The following PARN variants were observed in gnomAD, a reference collection of about 807,000 sequenced individuals.
PARN encodes the protein poly(A)-specific ribonuclease.
In PARN, 71 loss-of-function variants were observed where a neutral mutation model predicts 102.8. That is an observed-to-expected ratio of 0.69 (90% CI 0.57 to 0.84). The LOEUF is 0.84. Among genes scored for constraint, PARN ranks in the 40% least tolerant of loss-of-function variants. The pLI is 0.00. For synonymous variants in PARN, 261 were observed against 252.9 expected (o/e 1.03, Z -0.30); for missense variants, 782 against 760.9 (o/e 1.03, Z -0.33).
intron 22 of PARN, among the ~76,000 whole-genome samples, chr16:14,479,725 T>C (rs920148799): frequency 6.6e-6 from 1 of 152,130 alleles, no homozygotes; most frequent in African/African-American, 2.4e-5. Flanking sequence ...GATCAGTTGA[T>C]TCTTGACAAA....
intron 21 of PARN, among the ~76,000 whole-genome samples, chr16:14,526,579 A>G (rs1183317140): frequency 6.6e-6 from 1 of 152,206 alleles, no homozygotes; most frequent in Non-Finnish European, 1.5e-5. Flanking sequence ...GGCAAAGTAA[A>G]CCATACATCC....
At chr16:14,595,855 G>T (rs1970474707) in intron 12 of PARN, among the ~76,000 whole-genome samples, 1 of 151,446 alleles carries the variant, frequency 6.6e-6, no homozygotes, top group Admixed American at 6.6e-5. Flanking sequence ...TTGTAGAGAG[G>T]GGGTCTCCCA....
intron 1 of PARN, 150 bp downstream of exon 1, chr16:14,629,957 C>G: frequency 2.7e-6 from 2 of 735,202 alleles, no homozygotes; most frequent in Admixed American, 5.2e-5. Context: ...CCGGAAAAGA[C>G]CCCAAGAGGC....
At chr16:14,580,493 G>C (rs978251454) in intron 18 of PARN, among the ~76,000 whole-genome samples, 1 of 151,630 alleles carries the variant, frequency 6.6e-6, no homozygotes, top group Non-Finnish European at 1.5e-5. Flanking sequence ...CATCATGTTG[G>C]CCAGGCTGGC....
intron 13 of PARN, among the ~76,000 whole-genome samples, chr16:14,588,817 G>A (rs183299679): frequency 7.2e-5 from 11 of 152,266 alleles, no homozygotes; most frequent in African/African-American, 2.6e-4. Context: ...GGGAGAGGGA[G>A]GTTGCAGTGA....
At chr16:14,624,597 T>C (rs1972523887) in intron 5 of PARN, among the ~76,000 whole-genome samples, 1 of 152,236 alleles carries the variant, frequency 6.6e-6, no homozygotes, top group African/African-American at 2.4e-5. Context: ...TTTCTCAAAA[T>C]AACCAGTTTT....
At chr16:14,467,868 T>G (rs911309409) in intron 22 of PARN, among the ~76,000 whole-genome samples, 2 of 152,224 alleles carry the variant, frequency 1.3e-5, no homozygotes, top group African/African-American at 4.8e-5. Flanking sequence ...CATGGCCTTC[T>G]GAGCAGGACA....
At chr16:14,470,971 G>A (rs1017209082) in intron 22 of PARN, among the ~76,000 whole-genome samples, 1 of 152,044 alleles carries the variant, frequency 6.6e-6, no homozygotes, top group African/African-American at 2.4e-5. Flanking sequence ...TGTTGTTAGA[G>A]ATGGGATCTT....
At chr16:14,604,088 T>G in intron 11 of PARN, 58 bp downstream of exon 11, 1 of 964,884 alleles carries the variant, frequency 1.0e-6, no homozygotes, top group Non-Finnish European at 1.6e-6. Flanking sequence ...TAGACAGGAA[T>G]AAATCAATAT....
chr16:14,448,133 C>T (rs547504313), intron 22 of PARN, among the ~76,000 whole-genome samples: 2 of 151,398 alleles, frequency 1.3e-5, no homozygotes, highest in South Asian at 2.1e-4. Context: ...TACAGGCACC[C>T]GCCACCATGT....
At chr16:14,511,470 A>C (rs1339933713) in intron 21 of PARN, among the ~76,000 whole-genome samples, 1 of 152,194 alleles carries the variant, frequency 6.6e-6, no homozygotes, top group Non-Finnish European at 1.5e-5. Context: ...TTACTTGGGA[A>C]GTGTTCAGGC....
chr16:14,580,918 A>C lies in PARN; in HGVS notation c.1218T>G (p.Ile406Met). 1 of 1,609,914 alleles carries C rather than the reference A, an allele frequency of 6.2e-7. No individual in the cohort carries two copies. The highest frequency in any genetic ancestry group is 1.7e-4 in the Middle Eastern group (1 of 6,056). The change falls in exon 18 of 24, where the codon ATT (isoleucine) becomes ATG (methionine). Residue 406 changes from isoleucine (I) to methionine (M), a missense_variant. Transcript: ENST00000437198. ...TGAGTTTTGATCTGGCAGACACATG[A>C]ATTTTTGGAGGGCTGAGAAAAGAAC... ...YLGSFLSPPK[I>M]HVSARSKLIE...
rs1972961950 is a variant in PARN at position 14,630,198 on chromosome 16, G to T, written c.-73C>A. On this transcript the variant is annotated 5_prime_UTR_variant, in exon 1 of 24. Coordinates refer to ENST00000437198, the MANE Select transcript of PARN (RefSeq NM_002582.4). ...TCAGCGGTTCTACTCGCCGAATTCCGCGGCGACTGCGGCAGTAGCTGAGGC... is the reference window on the plus strand; with the variant it reads ...TCAGCGGTTCTACTCGCCGAATTCCTCGGCGACTGCGGCAGTAGCTGAGGC... The T allele has an allele frequency of 2.3e-6, 3 of 1,327,272 alleles. No individual in the cohort carries two copies. The highest frequency in any genetic ancestry group is 3.1e-6 in the Non-Finnish European group (3 of 954,360). 82.2% of individuals were successfully genotyped at this position (1,327,272 alleles called of 1,614,324 possible).
chr16:14,539,935 T>C (rs1333797427), intron 21 of PARN, among the ~76,000 whole-genome samples: 4 of 152,240 alleles, frequency 2.6e-5, no homozygotes, highest in East Asian at 1.9e-4. Flanking sequence ...ACTACTTACA[T>C]AGCATTTGCA....
In PARN at chr16:14,629,065, A is replaced by C. The variant is rs531793600; in HGVS notation, c.97+532T>G. Among the ~76,000 whole-genome samples, 16 of 152,350 alleles carry C rather than the reference A, an allele frequency of 1.1e-4. No homozygotes were observed. In the East Asian group the frequency reaches 2.3e-3, roughly 22 times the overall value. ...GGGCAAATATTGTAAGATTCCACTT[A>C]TATGAGATGTTAAGGGCAGTCAAAT... On this transcript the variant is annotated intron_variant, in intron 2 of 23. Coordinates refer to ENST00000437198, the MANE Select transcript of PARN (RefSeq NM_002582.4).
intron 21 of PARN, among the ~76,000 whole-genome samples, chr16:14,529,486 T>A (rs1045431096): frequency 6.6e-6 from 1 of 152,164 alleles, no homozygotes; most frequent in East Asian, 1.9e-4. Context: ...CACTACTGGC[T>A]ACTGCTCCAC....
At chr16:14,514,755 C>T (rs1056849528) in intron 21 of PARN, among the ~76,000 whole-genome samples, 7 of 152,154 alleles carry the variant, frequency 4.6e-5, no homozygotes, top group African/African-American at 1.2e-4. Context: ...GGCCAGAAGG[C>T]CCTGTAGCAC....
At chr16:14,552,708 G>A (rs1967387935) in intron 20 of PARN, among the ~76,000 whole-genome samples, 1 of 152,076 alleles carries the variant, frequency 6.6e-6, no homozygotes, top group Non-Finnish European at 1.5e-5. Context: ...CAGCACTTTG[G>A]GAGGCCGAGG....
At chr16:14,590,234 CAAAAAAAAAAAAAA>C (rs11302769) in intron 13 of PARN, among the ~76,000 whole-genome samples, 49 of 45,964 alleles carry the variant, frequency 1.1e-3, no homozygotes, top group African/African-American at 4.7e-3. Flanking sequence ...GACTCCATCT[CAAAAAAAAAAAAAA>C]AAAAAAAAAG....
Sources: gnomAD v4.1 joint callset for allele counts (sites outside exome capture counted in the v4.1 genomes callset) on GRCh38, gnomAD v4.1.1 for gene constraint, MANE v1.5 for transcripts, NCBI Gene and HGNC (gene_info 2026-07-23, HGNC 2026-07-21) for gene names.